Variants in FKBP5 observed in about 807,000 individuals in gnomAD.
FKBP5 encodes the protein peptidyl-prolyl cis-trans isomerase FKBP5.
In FKBP5, 23 loss-of-function variants were observed where a neutral mutation model predicts 50.5. That is an observed-to-expected ratio of 0.46 (90% CI 0.33 to 0.65). The LOEUF (loss-of-function observed/expected upper bound fraction) is 0.65, where lower values mean the gene tolerates loss of function less well. FKBP5 is among the 30% of genes least tolerant of loss of function. The pLI is 0.02. For synonymous variants in FKBP5, 176 were observed against 190.6 expected (o/e 0.92, Z 0.63); for missense variants, 411 against 553.1 (o/e 0.74, Z 2.58).
rs990004755 is a variant in FKBP5 at position 35,721,617 on chromosome 6, G to A, written c.-240-1069C>T. ...ACCACAGCCATGCGCTACCACGCCC[G>A]GCTAATTTGTATTTTTAGTAGAGAC... On this transcript the variant is annotated intron_variant, in intron 1 of 11. Coordinates refer to the FKBP5 transcript ENST00000536438. Among the ~76,000 whole-genome samples the A allele has an allele frequency of 3.9e-5, 6 of 152,140 alleles. No homozygotes were observed. In the East Asian group the frequency reaches 5.8e-4, roughly 15 times the overall value.
At chr6:35,674,868 C>T (rs2151006726) in intron 1 of FKBP5, among the ~76,000 whole-genome samples, 2 of 152,278 alleles carry the variant, frequency 1.3e-5, no homozygotes, top group Middle Eastern at 3.4e-3. Flanking sequence ...TTAAGTAAAC[C>T]ACTCCTTTGC....
At chr6:35,606,519 G>A (rs1763321069) in intron 5 of FKBP5, among the ~76,000 whole-genome samples, 1 of 151,672 alleles carries the variant, frequency 6.6e-6, no homozygotes, top group Non-Finnish European at 1.5e-5. Context: ...AATTAGCCGG[G>A]CGTGGTGGTG....
intron 3 of FKBP5, among the ~76,000 whole-genome samples, chr6:35,626,007 C>A (rs1763987414): frequency 6.6e-6 from 1 of 151,494 alleles, no homozygotes; most frequent in South Asian, 2.1e-4. Context: ...TCTCGATCTC[C>A]TGACCTCGTG....
intron 8 of FKBP5, chr6:35,582,604 A>G (rs1581783793): frequency 4.3e-6 from 4 of 930,362 alleles, no homozygotes; most frequent in Non-Finnish European, 5.1e-6. Context: ...TGGGACTTAC[A>G]GTCTCCAGAA....
intron 2 of FKBP5, among the ~76,000 whole-genome samples, chr6:35,713,170 G>A (rs1359925025): frequency 2.0e-5 from 3 of 151,842 alleles, no homozygotes; most frequent in Admixed American, 6.6e-5. Context: ...GGGCATAAGC[G>A]GGTGGGGCAA....
intron 8 of FKBP5, chr6:35,582,370 G>A: frequency 4.7e-6 from 4 of 858,774 alleles, no homozygotes; most frequent in Non-Finnish European, 5.6e-6. Context: ...GATATTTGCA[G>A]ATGGAGCATT....
rs1453631517 is a variant in FKBP5 at position 35,620,189 on chromosome 6, T to A, written c.336A>T (p.Ala112=). 6.2e-7 allele frequency: 1 copy of A among 1,614,092 alleles called. No individual in the cohort carries two copies. The highest frequency in any genetic ancestry group is 8.5e-7 in the Non-Finnish European group (1 of 1,180,042). ...ICHLLCKPEY[A]YGSAGSLPKI... is the part of the protein sequence containing the mutation. ...TAGGGAGACTGCCAGCCGAGCCATA[T>A]GCATATTCTGGTTTGCACAGTAAAT... Residue 112 remains alanine, a synonymous_variant, in exon 4 of 11, where the codon GCA becomes GCT. Coordinates refer to ENST00000357266, the MANE Select transcript of FKBP5 (RefSeq NM_004117.4).
intron 2 of FKBP5, among the ~76,000 whole-genome samples, chr6:35,638,577 C>T (rs552845571): frequency 3.9e-5 from 6 of 152,196 alleles, no homozygotes; most frequent in Middle Eastern, 6.8e-3. Flanking sequence ...GCCACCACGC[C>T]TGGCAAATTT....
intron 3 of FKBP5, among the ~76,000 whole-genome samples, chr6:35,626,904 CT>C (rs1227041019): frequency 6.6e-6 from 1 of 152,140 alleles, no homozygotes; most frequent in East Asian, 1.9e-4. Context: ...TTGCTTCCAC[CT>C]TTTGGTTGCT....
intron 8 of FKBP5, chr6:35,582,830 C>CCTTTTGGAATATT (rs1762477097): frequency 1.2e-5 from 12 of 985,206 alleles, no homozygotes; most frequent in Non-Finnish European, 1.4e-5. Context: ...GCAGCATTGT[C>CCTTTTGGAATATT]CTCTCCCTTT....
intron 1 of FKBP5, among the ~76,000 whole-genome samples, chr6:35,644,154 G>T (rs1437813868): frequency 6.6e-6 from 1 of 152,186 alleles, no homozygotes; most frequent in East Asian, 1.9e-4. Context: ...TCACCTGACA[G>T]ACATTTTTTC....
intron 2 of FKBP5, among the ~76,000 whole-genome samples, chr6:35,720,011 CAG>C (rs2151024312): frequency 6.6e-6 from 1 of 152,152 alleles, no homozygotes; most frequent in African/African-American, 2.4e-5. Flanking sequence ...GCAGGAAGGA[CAG>C]AGTCATGTTT....
At chr6:35,666,416 A>G (rs898954437) in intron 1 of FKBP5, among the ~76,000 whole-genome samples, 2 of 147,918 alleles carry the variant, frequency 1.4e-5, no homozygotes, top group African/African-American at 4.9e-5. Context: ...AAAAAAAAAA[A>G]AAAGGAGGGG....
chr6:35,648,588 T>G (rs963292883), intron 1 of FKBP5, among the ~76,000 whole-genome samples: 1 of 152,144 alleles, frequency 6.6e-6, no homozygotes, highest in African/African-American at 2.4e-5. Context: ...CCTGATGGAA[T>G]TTTTACAACA....
intron 3 of FKBP5, among the ~76,000 whole-genome samples, chr6:35,622,449 T>C (rs1303185840): frequency 6.6e-6 from 1 of 151,456 alleles, no homozygotes; most frequent in Non-Finnish European, 1.5e-5. Context: ...AGTAAGAGGC[T>C]ACAGTGAGCA....
intron 2 of FKBP5, among the ~76,000 whole-genome samples, chr6:35,696,567 A>G (rs1766085565): frequency 6.6e-6 from 1 of 152,170 alleles, no homozygotes; most frequent in Admixed American, 6.6e-5. Context: ...AAGTAATGTT[A>G]ATGTTTATGG....
chr6:35,678,245 G>A (rs1403076939), intron 1 of FKBP5, among the ~76,000 whole-genome samples: 1 of 152,174 alleles, frequency 6.6e-6, no homozygotes, highest in African/African-American at 2.4e-5. Flanking sequence ...GCTGGAGGGA[G>A]TGGGGAGGGG....
rs183310528 is a variant in FKBP5, at chr6:35,679,702, A to G, written c.-20+9102T>C. 1.1e-3 allele frequency among the ~76,000 whole-genome samples: 165 copies of G among 152,314 alleles called. 2 individuals are homozygous for G. The highest frequency in any genetic ancestry group is 3.8e-3 in the African/African-American group (160 of 41,576). ...AACCAAATACTGCATGTTCTCACCT[A>G]TAAGTGGGAGATAAACTATGAGTAC... On this transcript the variant is annotated intron_variant, in intron 1 of 10. Coordinates refer to ENST00000357266, the MANE Select transcript of FKBP5 (RefSeq NM_004117.4).
Position 35,683,115 on chromosome 6 carries a change from CGTATATGTGTGTGTGT to C in FKBP5, c.-20+5673_-20+5688del, listed in dbSNP as rs1326426857. Among the ~76,000 whole-genome samples, 45 of 56,234 alleles carry C rather than the reference CGTATATGTGTGTGTGT, an allele frequency of 8.0e-4. 2 individuals carry two copies. Among genetic ancestry groups the C allele is most frequent in the South Asian group, 5.5e-3 (8 of 1,458 alleles). 36.9% of individuals were successfully genotyped at this position (56,234 alleles called of 152,430 possible). On this transcript the variant is annotated intron_variant, in intron 1 of 10. Coordinates refer to ENST00000357266, the MANE Select transcript of FKBP5 (RefSeq NM_004117.4). Reference sequence around the variant, plus strand: ...AAAAAAGTGTGTGTGTATATATATACGTATATGTGTGTGTGTGTGTGTGTGTGTGTGTGTGTGTGTG... The same window carrying C: ...AAAAAAGTGTGTGTGTATATATATACGTGTGTGTGTGTGTGTGTGTGTGTG...
Sources: gnomAD v4.1 joint callset for allele counts (sites outside exome capture counted in the v4.1 genomes callset) on GRCh38, gnomAD v4.1.1 for gene constraint, MANE v1.5 for transcripts, NCBI Gene and HGNC (gene_info 2026-07-23, HGNC 2026-07-21) for gene names.